Variants in CADM4 observed in about 807,000 individuals in gnomAD.
CADM4 encodes cell adhesion molecule 4.
Under a neutral mutation model 43.9 loss-of-function variants are expected in CADM4, and 13 were observed. The ratio of observed to expected loss-of-function variants is 0.30; its 90% CI spans 0.19 to 0.47. The LOEUF is 0.47. Among genes scored for constraint, CADM4 ranks in the 20% least tolerant of loss-of-function variants. The pLI is 1.00. For missense variants in CADM4, 420 were observed against 527.0 expected, an observed-to-expected ratio of 0.80 and a Z score of 1.99; for synonymous variants, 209 against 220.9, an observed-to-expected ratio of 0.95 and a Z score of 0.48.
At position 43,626,089 on chromosome 19, in the gene CADM4, G is replaced by A. The variant is rs1303060622; in HGVS notation, c.664+35C>T. ...CTCGCGGGTGCGGGTGGCTGGCGTT[G>A]GGATCCCTTGGGTCCTGGCCCGCCG... On this transcript the variant is annotated intron_variant, in intron 5 of 8. Coordinates refer to ENST00000222374, the MANE Select transcript of CADM4 (RefSeq NM_145296.2). The surrounding 1 kb of genome is among the most constrained non-coding windows in gnomAD (Gnocchi z 5.9). 3 of 1,611,726 alleles carry A rather than the reference G, an allele frequency of 1.9e-6. No homozygotes were observed. The highest frequency in any genetic ancestry group is 2.2e-5 in the South Asian group (2 of 90,856).
Position 43,627,303 on chromosome 19 carries a change from C to T in CADM4, c.227G>A (p.Arg76His). ...FNGTRALKDE[R>H]FQLEEFSPRR... ...TGGGGAGAACTCCTCAAGCTGGAAA[C>T]GCTCATCCTTCAAGGCTAGAGAGAG... Residue 76 changes from arginine to histidine, a missense_variant, in exon 3 of 9, where the codon CGT becomes CAT. By Grantham distance (29) the Arg-to-His change is conservative (BLOSUM62 0). Transcript: ENST00000222374. This position sits in a 1 kb window ranked among gnomAD's most constrained non-coding sequence, Gnocchi z 4.0. 1 of 1,599,420 alleles carries T rather than the reference C, an allele frequency of 6.3e-7. No individual in the cohort carries two copies. The highest frequency in any genetic ancestry group is 8.5e-7 in the Non-Finnish European group (1 of 1,171,748).
At position 43,639,730 on chromosome 19, in the gene CADM4, GC is replaced by G. The variant is rs1376896161; in HGVS notation, c.60del (p.Pro21GlnfsTer12). On this transcript the variant is annotated frameshift_variant, in exon 1 of 9. Transcript: ENST00000222374. LOFTEE classifies it high-confidence loss of function. ...CGACCCCGGCCCCCGACCCTACCTG[GC>G]CCCGCCGCGGCCGCCCACAGCAGCA... ...PLLLLWAAAA[G>X]PGAGQEVQTE... The G allele has an allele frequency of 9.9e-7, 1 of 1,011,386 alleles. No homozygotes were observed. The highest frequency in any genetic ancestry group is 1.2e-6 in the Non-Finnish European group (1 of 845,760). 62.7% of individuals were successfully genotyped at this position (1,011,386 alleles called of 1,614,324 possible).
Position 43,627,470 on chromosome 19 carries a change from C to G in CADM4, c.212-152G>C. The G allele has an allele frequency of 8.2e-7, 1 of 1,217,128 alleles. No homozygotes were observed. The highest frequency in any genetic ancestry group is 1.1e-6 in the Non-Finnish European group (1 of 891,842). The allele number at this position is 1,217,128 out of a possible 1,614,324, so 75.4% of individuals were successfully genotyped here. A position where few individuals can be genotyped will look rare whatever the true frequency, so the allele number is the denominator to read the frequency against. ...GTCCAACTATTTACTCCCTTGAGGA[C>G]CCAGCATTATTCAAGTCCTCCTGCC... On this transcript the variant is annotated intron_variant, in intron 2 of 8. Transcript: ENST00000222374. This position sits in a 1 kb window ranked among gnomAD's most constrained non-coding sequence, Gnocchi z 4.0.
rs373219315 is a variant in CADM4, at chr19:43,625,888, C to T, written c.755+23G>A. On this transcript the variant is annotated intron_variant, in intron 6 of 8. Transcript: ENST00000222374. The surrounding 1 kb of genome is among the most constrained non-coding windows in gnomAD (Gnocchi z 4.5). The stretch of plus-strand genomic sequence containing the variant: ...GTCCCCAGCTTTCTCCTCCTGAGGA[C>T]GCAGGAGGCCCCCAGAGCTCACCTG... 63 of 1,605,660 alleles carry T rather than the reference C, an allele frequency of 3.9e-5. No homozygotes were observed. Among genetic ancestry groups the T allele is most frequent in the African/African-American group, 2.1e-4 (16 of 74,722 alleles).
At chr19:43,630,238 C>A (rs535460805) in intron 1 of CADM4, among the ~76,000 whole-genome samples, 4 of 149,002 alleles carry the variant, frequency 2.7e-5, no homozygotes, top group African/African-American at 9.9e-5. Context: ...GCCCGGCCTG[C>A]GCTACTATTA....
Position 43,624,980 on chromosome 19 carries a change from C to T in CADM4, c.928+98G>A. 7 of 1,300,908 alleles carry T rather than the reference C, an allele frequency of 5.4e-6. No individual in the cohort carries two copies. In the South Asian group the frequency reaches 7.6e-5, roughly 14 times the overall value. 80.6% of individuals were successfully genotyped at this position (1,300,908 alleles called of 1,614,324 possible). ...CCCAAAACAAAAAGAACTCTGTTGG[C>T]TGCCGAACCCCTGAGTTATGTGGCC... On this transcript the variant is annotated intron_variant, in intron 7 of 8. Coordinates refer to ENST00000222374, the MANE Select transcript of CADM4 (RefSeq NM_145296.2).
chr19:43,636,993 T>C (rs942122855), intron 1 of CADM4, among the ~76,000 whole-genome samples: 13 of 152,146 alleles, frequency 8.5e-5, no homozygotes, highest in African/African-American at 3.1e-4. Flanking sequence ...CTCTATTCTT[T>C]CTTTGTATTG....
Position 43,625,328 on chromosome 19 carries a change from A to C in CADM4, c.756-78T>G. 7.0e-7 allele frequency: 1 copy of C among 1,421,096 alleles called. No homozygotes were observed. Among genetic ancestry groups the C allele is most frequent in the South Asian group, 1.3e-5 (1 of 76,342 alleles). The allele number at this position is 1,421,096 out of a possible 1,614,324, so 88.0% of individuals were successfully genotyped here. On this transcript the variant is annotated intron_variant, in intron 6 of 8. Transcript: ENST00000222374. The surrounding 1 kb of genome is among the most constrained non-coding windows in gnomAD (Gnocchi z 4.5). ...ATTCTGACTTGTCAAGAATCTAGAC[A>C]TGCAACTCTCATCCCGCAGGGACCT... is the stretch of plus-strand genomic sequence containing the variant.
rs1196984834 is a variant in CADM4, at chr19:43,628,269, C to CAAAA, written c.65-483_65-480dup. 2.7e-3 allele frequency among the ~76,000 whole-genome samples: 343 copies of CAAAA among 127,574 alleles called. 2 individuals carry two copies. Among genetic ancestry groups the CAAAA allele is most frequent in the African/African-American group, 7.9e-3 (270 of 34,152 alleles). 83.7% of individuals were successfully genotyped at this position (127,574 alleles called of 152,430 possible). A position where few individuals can be genotyped will look rare whatever the true frequency, so the allele number is the denominator to read the frequency against. The stretch of plus-strand genomic sequence containing the variant: ...TGAAACCCTGTCACTACTAAAAATA[C>CAAAA]AAAAAAAAAAAAAAAATTAGCTGGG... On this transcript the variant is annotated intron_variant, in intron 1 of 8. Transcript: ENST00000222374.
upstream of CADM4, among the ~76,000 whole-genome samples, chr19:43,640,141 C>A (rs1423018101): frequency 6.7e-6 from 1 of 149,182 alleles, no homozygotes; most frequent in Non-Finnish European, 1.5e-5. Context: ...CCAGGTGCTG[C>A]GCGCGAGGGT....
rs199753007 is a variant in CADM4, at chr19:43,623,280, G to C, written c.*50C>G. 290 of 1,372,258 alleles carry C rather than the reference G, an allele frequency of 2.1e-4. 2 individuals carry two copies. Among genetic ancestry groups the C allele is most frequent in the South Asian group, 8.6e-4 (74 of 86,322 alleles). 85.0% of individuals were successfully genotyped at this position (1,372,258 alleles called of 1,614,324 possible). On this transcript the variant is annotated 3_prime_UTR_variant, in exon 9 of 9. Transcript: ENST00000222374. This position sits in a 1 kb window ranked among gnomAD's most constrained non-coding sequence, Gnocchi z 4.4. Reference sequence around the variant, plus strand: ...TTGCTGGTTCCTTGCAGCTGGCAGTGGGGGGGACCCCAGCCCAGGCCCAGG... The same window carrying C: ...TTGCTGGTTCCTTGCAGCTGGCAGTCGGGGGGACCCCAGCCCAGGCCCAGG...
In CADM4 at chr19:43,624,124, T is replaced by C. The variant is rs1191359243; in HGVS notation, c.1047A>G (p.Val349=). The part of the protein sequence containing the change: ...CVLVGMVWCS[V]RQKGSYLTHE... The stretch of plus-strand genomic sequence containing the variant: ...CCCCGTCCCACTCACCCTTCTGCCG[T>C]ACCGAGCACCAGACCATGCCCACTA... Residue 349 remains valine (V), a synonymous_variant, in exon 8 of 9, where the codon GTA becomes GTG. Coordinates refer to ENST00000222374, the MANE Select transcript of CADM4 (RefSeq NM_145296.2). The C allele has an allele frequency of 1.2e-6, 2 of 1,614,044 alleles. No homozygotes were observed. The highest frequency in any genetic ancestry group is 1.7e-6 in the Non-Finnish European group (2 of 1,180,020).
chr19:43,628,748 T>G (rs1309015988), intron 1 of CADM4, among the ~76,000 whole-genome samples: 2 of 152,232 alleles, frequency 1.3e-5, no homozygotes, highest in African/African-American at 4.8e-5. Flanking sequence ...GCCCTAAGAC[T>G]GTTGCATGAA....
Position 43,623,490 on chromosome 19 carries a change from G to T in CADM4, c.1058-51C>A. ...CAGGGGGGACATATTTGTGGATCCA[G>T]GAGTTGGACAGAAGTATAAGGGAAG... is the stretch of plus-strand genomic sequence containing the variant. On this transcript the variant is annotated intron_variant, in intron 8 of 8. Coordinates refer to ENST00000222374, the MANE Select transcript of CADM4 (RefSeq NM_145296.2). The surrounding 1 kb of genome is among the most constrained non-coding windows in gnomAD (Gnocchi z 4.4). The T allele has an allele frequency of 8.7e-7, 1 of 1,153,146 alleles. No homozygotes were observed. The allele number at this position is 1,153,146 out of a possible 1,614,324, so 71.4% of individuals were successfully genotyped here. A position where few individuals can be genotyped will look rare whatever the true frequency, so the allele number is the denominator to read the frequency against.
chr19:43,636,942 C>A (rs972752110), intron 1 of CADM4, among the ~76,000 whole-genome samples: 1 of 152,108 alleles, frequency 6.6e-6, no homozygotes. Flanking sequence ...TAGGGACCAA[C>A]AACTGCCCCC....
chr19:43,635,562 C>G (rs1973690123), intron 1 of CADM4, among the ~76,000 whole-genome samples: 1 of 151,610 alleles, frequency 6.6e-6, no homozygotes, highest in Non-Finnish European at 1.5e-5. Flanking sequence ...TCCCAGCCCC[C>G]TTTTCCTTCC....
chr19:43,623,985 G>C lies in CADM4; in HGVS notation c.1057+129C>G. On this transcript the variant is annotated intron_variant, in intron 8 of 8. Coordinates refer to ENST00000222374, the MANE Select transcript of CADM4 (RefSeq NM_145296.2). The surrounding 1 kb of genome is among the most constrained non-coding windows in gnomAD (Gnocchi z 4.4). Reference sequence around the variant, plus strand: ...AAGCCCCGCCCCCTTTGTCATCTCCGCCCCCGGTGCGGCGGGATTTGGAAT... The same window carrying C: ...AAGCCCCGCCCCCTTTGTCATCTCCCCCCCCGGTGCGGCGGGATTTGGAAT... 1 of 1,159,186 alleles carries C rather than the reference G, an allele frequency of 8.6e-7. No homozygotes were observed. The highest frequency in any genetic ancestry group is 1.2e-6 in the Non-Finnish European group (1 of 815,486). The allele number at this position is 1,159,186 out of a possible 1,614,324, so 71.8% of individuals were successfully genotyped here.
intron 1 of CADM4, among the ~76,000 whole-genome samples, chr19:43,634,614 G>C (rs919580042): frequency 1.3e-5 from 2 of 151,904 alleles, no homozygotes; most frequent in Non-Finnish European, 2.9e-5. Flanking sequence ...TGGGGGTGGT[G>C]GGGGCGGGAC....
chr19:43,623,677 G>A lies in CADM4; in HGVS notation c.1058-238C>T, dbSNP rs897754049. Among the ~76,000 whole-genome samples, 3 of 152,194 alleles carry A rather than the reference G, an allele frequency of 2.0e-5. No homozygotes were observed. The highest frequency in any genetic ancestry group is 1.9e-4 in the East Asian group (1 of 5,196). On this transcript the variant is annotated intron_variant, in intron 8 of 8. Coordinates refer to ENST00000222374, the MANE Select transcript of CADM4 (RefSeq NM_145296.2). The surrounding 1 kb of genome is among the most constrained non-coding windows in gnomAD (Gnocchi z 4.4). ...AGTGCCACCCTTATCCTTTCTCTTGGAGGTATTTCCTTGCCCTGCTCCCAG... is the reference window on the plus strand; with the variant it reads ...AGTGCCACCCTTATCCTTTCTCTTGAAGGTATTTCCTTGCCCTGCTCCCAG...
Sources: allele counts gnomAD v4.1 joint callset (sites outside exome capture counted in the v4.1 genomes callset), GRCh38; gene constraint gnomAD v4.1.1; non-coding constraint Gnocchi (gnomAD v3.1); transcripts MANE v1.5; gene names NCBI Gene and HGNC (gene_info 2026-07-23, HGNC 2026-07-21).